Variants in HYDIN observed in about 807,000 individuals in gnomAD.
HYDIN encodes the protein HYDIN axonemal central pair apparatus protein, also known as axonemal central pair apparatus protein HYDIN.
HYDIN carries 132 observed loss-of-function variants against 403.9 expected under a neutral mutation model. That is an observed-to-expected ratio of 0.33 (90% CI 0.28 to 0.38). The LOEUF (loss-of-function observed/expected upper bound fraction) is 0.38, where lower values mean the gene tolerates loss of function less well. Ranked by LOEUF, HYDIN falls within the 10% of genes least tolerant of loss-of-function variation. The pLI is 1.00. For missense variants in HYDIN, 2,827 were observed against 5,009.5 expected (o/e 0.56, Z 13.15); for synonymous variants, 1,202 against 1,891.7 (o/e 0.64, Z 9.46).
chr16:71,045,130 G>A (rs1241244641), intron 18 of HYDIN, among the ~76,000 whole-genome samples: 1 of 152,136 alleles, frequency 6.6e-6, no homozygotes, highest in Non-Finnish European at 1.5e-5. Context: ...CCCTGGACAT[G>A]TAGGTCTTTA....
chr16:71,150,700 T>C (rs1457655698), intron 7 of HYDIN, among the ~76,000 whole-genome samples: 2 of 152,058 alleles, frequency 1.3e-5, no homozygotes, highest in African/African-American at 4.8e-5. Context: ...AAAAGAAAAC[T>C]GGTAACATGG....
At chr16:70,902,021 A>G (rs561247312) in intron 52 of HYDIN, among the ~76,000 whole-genome samples, 4 of 152,062 alleles carry the variant, frequency 2.6e-5, no homozygotes, top group Non-Finnish European at 4.4e-5. Flanking sequence ...AAATTCACAT[A>G]TAAGCAGACC....
chr16:70,944,398 G>C (rs2077784140), intron 41 of HYDIN, among the ~76,000 whole-genome samples: 1 of 152,230 alleles, frequency 6.6e-6, no homozygotes, highest in African/African-American at 2.4e-5. Flanking sequence ...ACCAGGTAAG[G>C]GAATAAGGAA....
At chr16:71,178,821 G>A in intron 4 of HYDIN, 107 bp downstream of exon 4, 1 of 910,562 alleles carries the variant, frequency 1.1e-6, no homozygotes, top group East Asian at 2.5e-5. Flanking sequence ...ATTTTCCTAA[G>A]TCTATCAAAT....
At chr16:70,921,265 G>A in intron 45 of HYDIN, 48 bp from the exon 46 acceptor site, 2 of 1,522,974 alleles carry the variant, frequency 1.3e-6, no homozygotes, top group Non-Finnish European at 1.7e-6. Flanking sequence ...TTTTTACGGG[G>A]TAGTAAATTG....
intron 45 of HYDIN, among the ~76,000 whole-genome samples, chr16:70,931,210 G>GTTTTTTTT (rs71387550): frequency 8.4e-5 from 5 of 59,476 alleles, no homozygotes; most frequent in African/African-American, 1.3e-4. Context: ...TCTTTCTTCT[G>GTTTTTTTT]TTTTTTTTTT....
chr16:71,099,924 G>C (rs2083404233), intron 10 of HYDIN, among the ~76,000 whole-genome samples: 1 of 152,132 alleles, frequency 6.6e-6, no homozygotes, highest in African/African-American at 2.4e-5. Context: ...GATCACTTGA[G>C]CCCAGGAGTT....
intron 84 of HYDIN, among the ~76,000 whole-genome samples, chr16:70,812,191 C>CA (rs920750321): frequency 2.6e-5 from 3 of 115,446 alleles, no homozygotes; most frequent in African/African-American, 1.0e-4. Context: ...AGTCATTATA[C>CA]AAAATAAATG....
At chr16:71,187,540 A>G (rs1209704824) in intron 1 of HYDIN, among the ~76,000 whole-genome samples, 1 of 152,202 alleles carries the variant, frequency 6.6e-6, no homozygotes, top group Non-Finnish European at 1.5e-5. Flanking sequence ...ATGACTAGGT[A>G]GGGATTTCTA....
chr16:70,990,849 C>A (rs1451959100), intron 25 of HYDIN, among the ~76,000 whole-genome samples: 1 of 152,224 alleles, frequency 6.6e-6, no homozygotes, highest in Non-Finnish European at 1.5e-5. Context: ...CTCCTACCCA[C>A]ACTGTAGGAA....
chr16:71,130,733 C>A (rs563256599), intron 8 of HYDIN, among the ~76,000 whole-genome samples: 276 of 152,038 alleles, frequency 1.8e-3, no homozygotes, highest in African/African-American at 6.5e-3. Flanking sequence ...CATGATCCAC[C>A]CGCCTCGGCC....
chr16:71,176,253 C>T (rs772590387), intron 4 of HYDIN, among the ~76,000 whole-genome samples: 1 of 148,706 alleles, frequency 6.7e-6, no homozygotes, highest in Non-Finnish European at 1.5e-5. Context: ...TCCAGTGAGC[C>T]GAGATCGGGC....
At chr16:71,193,248 T>C (rs1318504518) in intron 1 of HYDIN, among the ~76,000 whole-genome samples, 1 of 152,240 alleles carries the variant, frequency 6.6e-6, no homozygotes, top group Non-Finnish European at 1.5e-5. Flanking sequence ...GAATTTTCAC[T>C]AGGCCAAAAC....
chr16:70,949,022 G>A (rs574486109), intron 41 of HYDIN, among the ~76,000 whole-genome samples: 2 of 150,346 alleles, frequency 1.3e-5, no homozygotes, highest in South Asian at 2.1e-4. Context: ...TGTTTATTGC[G>A]GCACTACTCA....
chr16:70,877,522 T>C (rs1403748862), intron 62 of HYDIN, among the ~76,000 whole-genome samples: 3 of 152,244 alleles, frequency 2.0e-5, no homozygotes, highest in African/African-American at 7.2e-5. Context: ...AATTTTTCCA[T>C]GGACCAGGCA....
At chr16:71,175,967 TTTA>T in intron 4 of HYDIN, 1 of 549,938 alleles carries the variant, frequency 1.8e-6, no homozygotes, top group South Asian at 2.0e-5. Context: ...CTTAGTTATT[TTTA>T]TTATTATTAC....
In HYDIN at chr16:71,181,299, A is replaced by G. The variant is rs146184413; in HGVS notation, c.262-2252T>C. 1.7e-4 allele frequency among the ~76,000 whole-genome samples: 26 copies of G among 152,036 alleles called. No homozygotes were observed. The East Asian group carries it at 4.4e-3, about 26-fold the overall frequency. On this transcript the variant is annotated intron_variant, in intron 3 of 85. Transcript: ENST00000393567. The stretch of plus-strand genomic sequence containing the variant: ...AATAGACAAGATACATTCGAAGAAC[A>G]AGATAGGAGGATTTGCTATATCAGG...
At chr16:71,104,344 C>CA (rs58394782) in intron 10 of HYDIN, among the ~76,000 whole-genome samples, 11,825 of 121,528 alleles carry the variant, frequency 0.097, 1,244 homozygotes, top group African/African-American at 0.3. Flanking sequence ...ACCCAAAATA[C>CA]AAAAAAAAAT....
chr16:71,172,372 A>G (rs2086501232), intron 5 of HYDIN, among the ~76,000 whole-genome samples: 1 of 152,166 alleles, frequency 6.6e-6, no homozygotes. Context: ...TTCTCATTTT[A>G]ATGGTAAAGA....
Sources: gnomAD v4.1 joint callset for allele counts (sites outside exome capture counted in the v4.1 genomes callset) on GRCh38, gnomAD v4.1.1 for gene constraint, MANE v1.5 for transcripts, NCBI Gene and HGNC (gene_info 2026-07-23, HGNC 2026-07-21) for gene names.